Variants in PARP1 observed in about 807,000 individuals in gnomAD.
PARP1 encodes poly(ADP-ribose) polymerase 1, also known as poly [ADP-ribose] polymerase 1.
PARP1 carries 44 observed loss-of-function variants against 118.7 expected under a neutral mutation model. That is an observed-to-expected ratio of 0.37 (90% CI 0.29 to 0.48). The LOEUF (loss-of-function observed/expected upper bound fraction) is 0.48. Among genes scored for constraint, PARP1 ranks in the 20% least tolerant of loss-of-function variants. PARP1 has a pLI of 0.99. For missense variants in PARP1, 1,100 were observed against 1,272.4 expected (o/e 0.86, Z 2.06); for synonymous variants, 492 against 483.2 (o/e 1.02, Z -0.24).
intron 2 of PARP1, among the ~76,000 whole-genome samples, chr1:226,396,857 C>T (rs1371371955): frequency 6.6e-6 from 1 of 152,008 alleles, no homozygotes; most frequent in East Asian, 1.9e-4. Flanking sequence ...GCTGAGATGG[C>T]ACCACTGCAC....
chr1:226,405,303 T>C (rs985478185), intron 1 of PARP1, among the ~76,000 whole-genome samples: 1 of 151,774 alleles, frequency 6.6e-6, no homozygotes, highest in Non-Finnish European at 1.5e-5. Flanking sequence ...ATTACTATTT[T>C]TTTTTTCAGA....
chr1:226,399,500 G>A (rs927295942), intron 2 of PARP1, among the ~76,000 whole-genome samples: 1 of 152,182 alleles, frequency 6.6e-6, no homozygotes, highest in Non-Finnish European at 1.5e-5. Context: ...AAGATCAGTG[G>A]TTACTGGAGG....
In PARP1 at chr1:226,367,472, CCT is replaced by C; in HGVS notation, c.2406+6_2406+7del. Reference sequence around the variant, plus strand: ...TTAAGATGCTTGAGGAAGGCCTGACCCTGTTACCTTAATGTCAGTTTTGAGCT... The same window carrying C: ...TTAAGATGCTTGAGGAAGGCCTGACCGTTACCTTAATGTCAGTTTTGAGCT... On this transcript the variant is annotated splice_donor_region_variant and intron_variant, in intron 17 of 22. Transcript: ENST00000366794. The C allele has an allele frequency of 6.2e-7, 1 of 1,613,558 alleles. No homozygotes were observed. The highest frequency in any genetic ancestry group is 8.5e-7 in the Non-Finnish European group (1 of 1,179,982).
chr1:226,379,793 TTC>T (rs1664568759), intron 10 of PARP1, 127 bp downstream of exon 10: 3 of 1,488,324 alleles, frequency 2.0e-6, no homozygotes, highest in Non-Finnish European at 2.8e-6. Flanking sequence ...GCGCCTGCCA[TTC>T]TGTGTCCTGC....
At chr1:226,374,906 C>G (rs1158238641) in intron 13 of PARP1, among the ~76,000 whole-genome samples, 1 of 152,210 alleles carries the variant, frequency 6.6e-6, no homozygotes, top group Non-Finnish European at 1.5e-5. Flanking sequence ...CATTAGCTGT[C>G]CGTCCTCTTC....
chr1:226,362,319 G>A (rs1664161677), intron 21 of PARP1: 3 of 487,122 alleles, frequency 6.2e-6, no homozygotes, highest in South Asian at 4.2e-5. Context: ...CTGAGTAGCT[G>A]GGATTACAGG....
rs3768362 is a variant in PARP1 at position 226,365,772 on chromosome 1, A to C, written c.2505+182T>G. ...ATAGAGTGAGACTCCATGTCAAAAAAAAAAACAAAAAACAAACAAACAAAA... is the reference window on the plus strand; with the variant it reads ...ATAGAGTGAGACTCCATGTCAAAAACAAAAACAAAAAACAAACAAACAAAA... On this transcript the variant is annotated intron_variant, in intron 18 of 22. Coordinates refer to ENST00000366794, the MANE Select transcript of PARP1 (RefSeq NM_001618.4). 0.015 allele frequency among the ~76,000 whole-genome samples: 727 copies of C among 47,242 alleles called. 30 individuals carry two copies. The South Asian group carries it at 0.25, about 16-fold the overall frequency. 31.0% of individuals were successfully genotyped at this position (47,242 alleles called of 152,430 possible). A position where few individuals can be genotyped will look rare whatever the true frequency, so the allele number is the denominator to read the frequency against.
intron 2 of PARP1, among the ~76,000 whole-genome samples, chr1:226,396,043 C>T (rs1007690480): frequency 1.3e-5 from 2 of 152,146 alleles, no homozygotes; most frequent in African/African-American, 4.8e-5. Context: ...CTGAACTCTA[C>T]ACTTAAAAAT....
intron 18 of PARP1, 134 bp from the exon 19 acceptor site, chr1:226,365,288 T>A: frequency 9.8e-7 from 1 of 1,016,138 alleles, no homozygotes; most frequent in Non-Finnish European, 1.5e-6. Context: ...TGCTGCAATG[T>A]AAAAAGTGTT....
chr1:226,407,967 G>A lies in PARP1; in HGVS notation c.-38C>T, dbSNP rs752692202. 6.2e-7 allele frequency: 1 copy of A among 1,611,264 alleles called. No individual in the cohort carries two copies. Among genetic ancestry groups the A allele is most frequent in the Non-Finnish European group, 8.5e-7 (1 of 1,178,746 alleles). On this transcript the variant is annotated 5_prime_UTR_variant, in exon 1 of 23. Coordinates refer to ENST00000366794, the MANE Select transcript of PARP1 (RefSeq NM_001618.4). ...GCCGCCAAAGCTCCGGAAGCCCGAC[G>A]CCACGACCTAGAAACACGCTGCCGC...
chr1:226,364,174 A>G, intron 19 of PARP1, 104 bp from the exon 20 acceptor site: 2 of 1,076,086 alleles, frequency 1.9e-6, no homozygotes, highest in Admixed American at 1.7e-5. Flanking sequence ...AAGTGCTGCA[A>G]TCCATCACTT....
intron 21 of PARP1, 65 bp from the exon 22 acceptor site, chr1:226,362,148 A>T: frequency 1.1e-6 from 1 of 873,742 alleles, no homozygotes; most frequent in South Asian, 1.3e-5. Flanking sequence ...TTCCAGGGAG[A>T]TGAGCTCTAT....
intron 1 of PARP1, 53 bp downstream of exon 1, chr1:226,407,757 A>T: frequency 1.3e-5 from 17 of 1,345,662 alleles, no homozygotes; most frequent in Admixed American, 2.2e-5. Context: ...TCCCGGACAC[A>T]GTTAACCCGG....
chr1:226,388,621 G>C, intron 5 of PARP1, 35 bp downstream of exon 5: 3 of 1,355,522 alleles, frequency 2.2e-6, no homozygotes, highest in Non-Finnish European at 3.2e-6. Context: ...CCAGACAGCA[G>C]AATGTCGAAA....
Position 226,381,112 on chromosome 1 carries a change from A to G in PARP1, c.1256T>C (p.Leu419Ser). ...GGAAGCCTTGTTGGCCGTCCCCGTC[A>G]ACTTCCCCCCGAGTTTCTCAATCAT... ...KAMIEKLGGK[L>S]TGTANKASLC... The change falls in exon 9 of 23, where the codon TTG becomes TCG. Residue 419 changes from leucine to serine, a missense_variant. Physicochemically the swap from Leu to Ser is moderately radical, Grantham distance 145. Around this residue, in one of 2 missense-constraint regions of PARP1, gnomAD observed 948 missense variants for 1,031.8 expected, o/e 0.92. Transcript: ENST00000366794. 6.2e-7 allele frequency: 1 copy of G among 1,614,144 alleles called. No individual in the cohort carries two copies. Among genetic ancestry groups the G allele is most frequent in the Non-Finnish European group, 8.5e-7 (1 of 1,180,012 alleles).
intron 1 of PARP1, among the ~76,000 whole-genome samples, chr1:226,407,298 T>A (rs998852275): frequency 6.6e-6 from 1 of 151,934 alleles, no homozygotes; most frequent in African/African-American, 2.4e-5. Flanking sequence ...TTCTGCATAG[T>A]TCTGCCTAAT....
At chr1:226,407,707 C>CCGGGCG (rs3046771) in intron 1 of PARP1, 103 bp downstream of exon 1, 3 of 1,227,188 alleles carry the variant, frequency 2.4e-6, no homozygotes, top group African/African-American at 3.3e-5. Context: ...CTCCGAGGGC[C>CCGGGCG]CGGGCCCGCT....
intron 8 of PARP1, among the ~76,000 whole-genome samples, chr1:226,382,017 C>T (rs1664619394): frequency 6.6e-6 from 1 of 152,110 alleles, no homozygotes; most frequent in African/African-American, 2.4e-5. Flanking sequence ...CCCAACTGGC[C>T]CTTCATGTGG....
chr1:226,387,264 C>T (rs930922544), intron 5 of PARP1, among the ~76,000 whole-genome samples: 8 of 152,140 alleles, frequency 5.3e-5, no homozygotes, highest in African/African-American at 1.4e-4. Context: ...ATTACAGGTG[C>T]TCAAGCCACT....
Sources: allele counts gnomAD v4.1 joint callset (sites outside exome capture counted in the v4.1 genomes callset), GRCh38; gene constraint gnomAD v4.1.1; regional missense constraint gnomAD v4.1.1; transcripts MANE v1.5; gene names NCBI Gene and HGNC (gene_info 2026-07-23, HGNC 2026-07-21).